The following DNM3 variants were observed in gnomAD, a reference collection of about 807,000 sequenced individuals.
The protein encoded by DNM3 is dynamin 3.
A neutral mutation model predicts 101.6 loss-of-function variants in DNM3; 47 were observed. The observed-to-expected ratio is 0.46, with a 90% CI of 0.37 to 0.59. The LOEUF is 0.59. Among genes scored for constraint, DNM3 ranks in the 20% least tolerant of loss-of-function variants. DNM3 has a pLI of 0.00. For missense variants in DNM3, 849 were observed against 1,085.7 expected, an observed-to-expected ratio of 0.78 and a Z score of 3.06; for synonymous variants, 385 against 387.9, an observed-to-expected ratio of 0.99 and a Z score of 0.09.
intron 4 of DNM3, among the ~76,000 whole-genome samples, chr1:172,010,680 TTTTG>T (rs1312919142): frequency 1.9e-5 from 1 of 52,142 alleles, no homozygotes; most frequent in East Asian, 9.0e-4. Flanking sequence ...CCTTGGTATG[TTTTG>T]TGTGTGTGTG....
chr1:172,123,934 G>A (rs1294852936), intron 13 of DNM3, among the ~76,000 whole-genome samples: 1 of 152,086 alleles, frequency 6.6e-6, no homozygotes, highest in African/African-American at 2.4e-5. Flanking sequence ...AGCTAATCAT[G>A]GCTCCTATGG....
chr1:172,224,934 G>T (rs1250243427), intron 14 of DNM3, among the ~76,000 whole-genome samples: 1 of 152,074 alleles, frequency 6.6e-6, no homozygotes, highest in Non-Finnish European at 1.5e-5. Context: ...TAGAAGGCTG[G>T]TGATCTCAGT....
intron 14 of DNM3, among the ~76,000 whole-genome samples, chr1:172,226,303 T>A (rs1012778720): frequency 6.6e-6 from 1 of 152,210 alleles, no homozygotes; most frequent in African/African-American, 2.4e-5. Context: ...AAACCTGGTA[T>A]AGACTTCAGA....
At chr1:172,383,521 T>G (rs2069030727) in intron 18 of DNM3, among the ~76,000 whole-genome samples, 1 of 152,148 alleles carries the variant, frequency 6.6e-6, no homozygotes, top group African/African-American at 2.4e-5. Flanking sequence ...ATTGTGTGAA[T>G]GAGAGGCATC....
intron 9 of DNM3, among the ~76,000 whole-genome samples, chr1:172,046,054 A>G (rs2208366): frequency 0.7 from 106,960 of 151,994 alleles, 38,992 homozygotes; most frequent in African/African-American, 0.9. Flanking sequence ...CCCATTACTG[A>G]GTATATACCC....
intron 1 of DNM3, among the ~76,000 whole-genome samples, chr1:171,874,765 G>A (rs1208037400): frequency 1.3e-5 from 2 of 151,466 alleles, no homozygotes; most frequent in Admixed American, 1.3e-4. Flanking sequence ...TGTCACCCCG[G>A]TAGTGAACAT....
intron 1 of DNM3, among the ~76,000 whole-genome samples, chr1:171,896,785 C>T (rs1309103922): frequency 6.6e-6 from 1 of 151,998 alleles, no homozygotes; most frequent in Non-Finnish European, 1.5e-5. Flanking sequence ...TTCCTTCATC[C>T]TCTCCAAATA....
intron 14 of DNM3, among the ~76,000 whole-genome samples, chr1:172,169,849 G>A (rs1447039649): frequency 6.6e-6 from 1 of 151,768 alleles, no homozygotes; most frequent in East Asian, 1.9e-4. Flanking sequence ...ATATTTAAAT[G>A]AACTATCCAT....
intron 14 of DNM3, among the ~76,000 whole-genome samples, chr1:172,146,655 T>C (rs2057915719): frequency 6.6e-6 from 1 of 152,148 alleles, no homozygotes; most frequent in South Asian, 2.1e-4. Flanking sequence ...CTCCATTCTT[T>C]TCAAAGTATC....
At chr1:172,071,914 C>T (rs141685264) in intron 11 of DNM3, among the ~76,000 whole-genome samples, 5 of 152,268 alleles carry the variant, frequency 3.3e-5, no homozygotes, top group African/African-American at 1.2e-4. Context: ...TTCTTTTCAT[C>T]CCCCACATGC....
At chr1:172,413,295 C>T (rs1246955358), downstream of DNM3, among the ~76,000 whole-genome samples, 2 of 152,112 alleles carry the variant, frequency 1.3e-5, no homozygotes, top group Non-Finnish European at 2.9e-5. Context: ...GGCACTATCT[C>T]GGCTCACTGC....
intron 1 of DNM3, among the ~76,000 whole-genome samples, chr1:171,888,703 T>G (rs907245231): frequency 6.6e-6 from 1 of 152,216 alleles, no homozygotes; most frequent in Non-Finnish European, 1.5e-5. Context: ...TGGTGTCATC[T>G]CTTTGAAGGT....
chr1:172,083,387 T>G (rs1240901220), intron 12 of DNM3, among the ~76,000 whole-genome samples: 1 of 152,230 alleles, frequency 6.6e-6, no homozygotes, highest in Non-Finnish European at 1.5e-5. Context: ...ACATTCTTCA[T>G]TTTCCTCACT....
At chr1:172,166,819 T>TA (rs2058761724) in intron 14 of DNM3, among the ~76,000 whole-genome samples, 2 of 152,048 alleles carry the variant, frequency 1.3e-5, no homozygotes. Context: ...TCTAAAATCC[T>TA]AAAATGCCAA....
intron 15 of DNM3, among the ~76,000 whole-genome samples, chr1:172,273,155 T>C (rs2063148473): frequency 6.6e-6 from 1 of 152,010 alleles, no homozygotes; most frequent in Non-Finnish European, 1.5e-5. Flanking sequence ...TAGTTTTAAT[T>C]TTTTGTTATT....
intron 1 of DNM3, among the ~76,000 whole-genome samples, chr1:171,867,420 C>G (rs567490166): frequency 3.9e-5 from 6 of 152,336 alleles, no homozygotes; most frequent in Non-Finnish European, 8.8e-5. Flanking sequence ...GAAGTCACAT[C>G]TGCGCTAGGC....
intron 4 of DNM3, among the ~76,000 whole-genome samples, chr1:172,020,622 G>T (rs2047772474): frequency 6.6e-6 from 1 of 151,314 alleles, no homozygotes; most frequent in Non-Finnish European, 1.5e-5. Context: ...TACTCGGGAG[G>T]CTGAGGCAGG....
intron 2 of DNM3, among the ~76,000 whole-genome samples, chr1:171,970,585 C>T (rs2043920678): frequency 6.6e-6 from 1 of 151,976 alleles, no homozygotes; most frequent in Non-Finnish European, 1.5e-5. Context: ...TAATTATCCT[C>T]CAAATTATTT....
At chr1:172,358,959 G>C (rs549276622) in intron 17 of DNM3, among the ~76,000 whole-genome samples, 1 of 151,944 alleles carries the variant, frequency 6.6e-6, no homozygotes, top group Non-Finnish European at 1.5e-5. Context: ...CTCATTACTT[G>C]TGCTTCTTTC....
Sources: allele counts gnomAD v4.1 joint callset (sites outside exome capture counted in the v4.1 genomes callset), GRCh38; gene constraint gnomAD v4.1.1; transcripts MANE v1.5; gene names NCBI Gene and HGNC (gene_info 2026-07-23, HGNC 2026-07-21).